The following NLGN4X variants were observed in gnomAD, a reference collection of about 807,000 sequenced individuals.
NLGN4X encodes the protein neuroligin-4, X-linked.
Under a neutral mutation model 40.3 loss-of-function variants are expected in NLGN4X, and 3 were observed. The ratio of observed to expected loss-of-function variants is 0.07; its 90% CI spans 0.03 to 0.19. NLGN4X has a LOEUF of 0.19. NLGN4X is among the 10% of genes least tolerant of loss of function. The pLI is 1.00. For missense variants in NLGN4X, 382 were observed against 708.3 expected, an observed-to-expected ratio of 0.54 and a Z score of 5.23; for synonymous variants, 270 against 306.8, an observed-to-expected ratio of 0.88 and a Z score of 1.25.
At chrX:6,044,039 A>C (rs1377346534) in intron 2 of NLGN4X, among the ~76,000 whole-genome samples, 1 of 110,759 alleles carries the variant, frequency 9.0e-6, no homozygotes, top group Non-Finnish European at 1.9e-5. Context: ...AGGCCAAGGC[A>C]AGAGGACTGC....
intron 1 of NLGN4X, among the ~76,000 whole-genome samples, chrX:6,154,512 A>G (rs892682085): frequency 5.7e-5 from 6 of 105,606 alleles, no homozygotes; most frequent in Non-Finnish European, 5.9e-5. Context: ...CCTTGTGGGG[A>G]AAAAAAAAAA....
chrX:6,071,354 C>T (rs1026545959), intron 2 of NLGN4X, among the ~76,000 whole-genome samples: 1 of 111,174 alleles, frequency 9.0e-6, no homozygotes, highest in Non-Finnish European at 1.9e-5. Context: ...AAATCATTAG[C>T]GGTGGGGCGG....
intron 2 of NLGN4X, among the ~76,000 whole-genome samples, chrX:6,030,659 A>G (rs963298409): frequency 4.5e-5 from 5 of 111,171 alleles, no homozygotes; most frequent in East Asian, 2.8e-4. Flanking sequence ...CCCATTGGTC[A>G]CAGTAAAGCA....
rs911704895 is a variant in NLGN4X at position 6,146,501 on chromosome X, C to T, written c.472+4494G>A. ...AACTCCTACAGGTCATTGTCCATGT[C>T]GTGTCTGTTTATATTTCATCATAAA... On this transcript the variant is annotated intron_variant, in intron 2 of 5. Transcript: ENST00000381095. Among the ~76,000 whole-genome samples, 3 of 111,196 alleles carry T rather than the reference C, an allele frequency of 2.7e-5. No homozygotes were observed. The Admixed American group carries it at 2.9e-4, about 11-fold the overall frequency.
intron 5 of NLGN4X, among the ~76,000 whole-genome samples, chrX:5,899,416 G>A (rs981178274): frequency 5.4e-5 from 6 of 111,764 alleles, no homozygotes; most frequent in Non-Finnish European, 1.1e-4. Flanking sequence ...CTTCATGAAA[G>A]CTAGAAGCAC....
chrX:6,210,642 A>G (rs1365239872), intron 1 of NLGN4X, among the ~76,000 whole-genome samples: 1 of 112,043 alleles, frequency 8.9e-6, no homozygotes, highest in African/African-American at 3.2e-5. Context: ...GCATTACGGA[A>G]AATACACACG....
At chrX:6,146,002 C>A (rs1436053171) in intron 2 of NLGN4X, among the ~76,000 whole-genome samples, 3 of 109,988 alleles carry the variant, frequency 2.7e-5, no homozygotes, top group Admixed American at 2.0e-4. Flanking sequence ...GTAGTCCCAG[C>A]TACTCAGGAA....
At chrX:6,040,665 G>A (rs2037132564) in intron 2 of NLGN4X, among the ~76,000 whole-genome samples, 1 of 111,519 alleles carries the variant, frequency 9.0e-6, no homozygotes, top group Non-Finnish European at 1.9e-5. Context: ...CAGCTACATA[G>A]GTATTACAGC....
At chrX:6,032,660 TG>T in intron 2 of NLGN4X, 1 of 1,049,808 alleles carries the variant, frequency 9.5e-7, no homozygotes. Flanking sequence ...AATCATGCAC[TG>T]GGGTTGAGCT....
At chrX:6,023,476 A>G (rs2036604644) in intron 3 of NLGN4X, among the ~76,000 whole-genome samples, 1 of 112,275 alleles carries the variant, frequency 8.9e-6, no homozygotes, top group South Asian at 3.7e-4. Flanking sequence ...TTCATACTTG[A>G]CATTAATTAA....
chrX:5,922,086 G>A (rs1342960383), intron 3 of NLGN4X, among the ~76,000 whole-genome samples: 2 of 111,308 alleles, frequency 1.8e-5, no homozygotes, highest in African/African-American at 6.5e-5. Context: ...TTCTCTTGCC[G>A]GAAATACTAA....
intron 1 of NLGN4X, among the ~76,000 whole-genome samples, chrX:6,217,501 T>C (rs947479920): frequency 9.8e-5 from 11 of 112,140 alleles, no homozygotes; most frequent in Non-Finnish European, 1.9e-4. Flanking sequence ...GACTGAATCA[T>C]AGTACACAAC....
At chrX:6,069,466 A>C (rs1266226374) in intron 2 of NLGN4X, among the ~76,000 whole-genome samples, 1 of 111,791 alleles carries the variant, frequency 8.9e-6, no homozygotes, top group Non-Finnish European at 1.9e-5. Flanking sequence ...AGATTAATGC[A>C]ACAGAAACAA....
chrX:6,077,574 C>G (rs1332273380), intron 2 of NLGN4X, among the ~76,000 whole-genome samples: 1 of 110,930 alleles, frequency 9.0e-6, no homozygotes, highest in African/African-American at 3.3e-5. Flanking sequence ...CAGGTGTCAG[C>G]CACCATGCCC....
intron 1 of NLGN4X, among the ~76,000 whole-genome samples, chrX:6,191,572 G>A (rs1449407269): frequency 9.0e-6 from 1 of 111,607 alleles, no homozygotes; most frequent in African/African-American, 3.3e-5. Flanking sequence ...AAAATTAGCT[G>A]GGTGGGAAGG....
chrX:6,050,233 A>G (rs747529135), intron 2 of NLGN4X, among the ~76,000 whole-genome samples: 3 of 111,912 alleles, frequency 2.7e-5, no homozygotes, highest in African/African-American at 6.5e-5. Context: ...TGAAAATGTT[A>G]TTAATGAGCA....
chrX:6,013,781 C>A (rs913975162), intron 3 of NLGN4X, among the ~76,000 whole-genome samples: 1 of 110,465 alleles, frequency 9.1e-6, no homozygotes, highest in Admixed American at 9.7e-5. Context: ...TCAATTGACC[C>A]AAGAGGCTGG....
intron 3 of NLGN4X, among the ~76,000 whole-genome samples, chrX:6,014,704 G>A (rs760967724): frequency 3.0e-4 from 34 of 111,836 alleles, no homozygotes; most frequent in African/African-American, 1.0e-3. Flanking sequence ...AATTCTGATC[G>A]AAATGCCTTT....
At chrX:5,908,170 G>A (rs2032302851) in intron 4 of NLGN4X, among the ~76,000 whole-genome samples, 2 of 105,134 alleles carry the variant, frequency 1.9e-5, no homozygotes, top group Non-Finnish European at 3.9e-5. Context: ...GAGGGAGAGA[G>A]ACAGAGAGGA....
Sources: gnomAD v4.1 joint callset for allele counts (sites outside exome capture counted in the v4.1 genomes callset) on GRCh38, gnomAD v4.1.1 for gene constraint, MANE v1.5 for transcripts, NCBI Gene and HGNC (gene_info 2026-07-23, HGNC 2026-07-21) for gene names.